HDAC9: variants seen among roughly 807,000 people sequenced by gnomAD.
HDAC9 encodes the protein MEF-2 interacting transcription repressor (MITR) protein.
HDAC9 carries 41 observed loss-of-function variants against 139.4 expected under a neutral mutation model. That is an observed-to-expected ratio of 0.29 (90% CI 0.23 to 0.38). HDAC9 has a LOEUF of 0.38. Among genes scored for constraint, HDAC9 ranks in the 10% least tolerant of loss-of-function variants. The probability of loss-of-function intolerance (pLI) is 1.00; values close to 1 mark genes in which losing one functional copy is unlikely to be tolerated. For missense variants in HDAC9, 1,147 were observed against 1,297.0 expected, an observed-to-expected ratio of 0.88 and a Z score of 1.78; for synonymous variants, 517 against 476.2, an observed-to-expected ratio of 1.09 and a Z score of -1.12.
chr7:18,834,474 C>A (rs994950304), intron 19 of HDAC9, among the ~76,000 whole-genome samples: 2 of 148,250 alleles, frequency 1.3e-5, no homozygotes, highest in Non-Finnish European at 3.0e-5. Context: ...AATTCTGGCA[C>A]GTATCTGTAT....
intron 22 of HDAC9, among the ~76,000 whole-genome samples, chr7:18,915,688 A>G (rs749249320): frequency 6.6e-6 from 1 of 151,206 alleles, no homozygotes; most frequent in African/African-American, 2.4e-5. Flanking sequence ...GCGACCCCGC[A>G]TGTGTTCTGA....
intron 1 of HDAC9, among the ~76,000 whole-genome samples, chr7:18,427,656 C>T (rs1562975707): frequency 6.6e-6 from 1 of 151,642 alleles, no homozygotes; most frequent in African/African-American, 2.4e-5. Context: ...TCCCCTTCCC[C>T]TCCACCTCTC....
intron 2 of HDAC9, among the ~76,000 whole-genome samples, chr7:18,269,180 T>A (rs929612717): frequency 6.6e-6 from 1 of 152,136 alleles, no homozygotes; most frequent in Non-Finnish European, 1.5e-5. Context: ...TTTGCAGATA[T>A]ACACACATAT....
intron 13 of HDAC9, among the ~76,000 whole-genome samples, chr7:18,733,512 T>C (rs1483735197): frequency 2.0e-5 from 3 of 151,578 alleles, no homozygotes; most frequent in Non-Finnish European, 4.4e-5. Context: ...AATTTACTCA[T>C]CTAATAATCA....
At chr7:18,711,583 G>A (rs1784348028) in intron 12 of HDAC9, among the ~76,000 whole-genome samples, 1 of 152,182 alleles carries the variant, frequency 6.6e-6, no homozygotes. Context: ...AATACCAGCT[G>A]TGGTCTGCCA....
intron 1 of HDAC9, among the ~76,000 whole-genome samples, chr7:18,464,450 A>G (rs1345551189): frequency 6.6e-6 from 1 of 151,950 alleles, no homozygotes; most frequent in African/African-American, 2.4e-5. Flanking sequence ...TCTGCATTGG[A>G]TAGCACATTA....
At chr7:18,624,054 C>A (rs555565993) in intron 6 of HDAC9, among the ~76,000 whole-genome samples, 13 of 152,262 alleles carry the variant, frequency 8.5e-5, no homozygotes, top group Admixed American at 7.8e-4. Context: ...ATACAAAAAT[C>A]ACGCCCCGCA....
At chr7:18,922,083 T>TGGGGG (rs527469781) in intron 22 of HDAC9, among the ~76,000 whole-genome samples, 1 of 76,284 alleles carries the variant, frequency 1.3e-5, no homozygotes, top group Non-Finnish European at 2.4e-5. Flanking sequence ...TGTTGTGGGG[T>TGGGGG]GGGGGGAGGG....
intron 1 of HDAC9, among the ~76,000 whole-genome samples, chr7:18,115,248 G>T (rs1344527214): frequency 4.0e-5 from 6 of 150,486 alleles, no homozygotes; most frequent in Non-Finnish European, 7.4e-5. Context: ...AGCAGAGATT[G>T]TGCCACTGCA....
At chr7:18,379,042 G>T (rs1324330614) in intron 1 of HDAC9, among the ~76,000 whole-genome samples, 1 of 152,046 alleles carries the variant, frequency 6.6e-6, no homozygotes, top group Non-Finnish European at 1.5e-5. Flanking sequence ...TACACATGAG[G>T]CTCTATGTTT....
intron 12 of HDAC9, chr7:18,667,183 T>C (rs1448940025): frequency 5.1e-6 from 5 of 985,364 alleles, no homozygotes; most frequent in Non-Finnish European, 6.0e-6. Context: ...CATTTTACTT[T>C]TATTTTGTGT....
chr7:18,662,872 T>C (rs925545428), intron 11 of HDAC9, among the ~76,000 whole-genome samples: 1 of 152,002 alleles, frequency 6.6e-6, no homozygotes, highest in African/African-American at 2.4e-5. Flanking sequence ...CTCAGCATGA[T>C]CGTAATTTGT....
At chr7:18,293,384 C>G (rs1360655993) in intron 1 of HDAC9, among the ~76,000 whole-genome samples, 1 of 151,814 alleles carries the variant, frequency 6.6e-6, no homozygotes, top group Non-Finnish European at 1.5e-5. Flanking sequence ...TGGAACCCAT[C>G]ATTCTCAGCA....
At chr7:18,786,962 A>G (rs558349198) in intron 16 of HDAC9, among the ~76,000 whole-genome samples, 73 of 151,912 alleles carry the variant, frequency 4.8e-4, no homozygotes, top group Non-Finnish European at 7.7e-4. Flanking sequence ...TATGAGGTTT[A>G]TAGAGAAACA....
chr7:18,555,310 C>G (rs947511599), intron 2 of HDAC9, among the ~76,000 whole-genome samples: 5 of 152,138 alleles, frequency 3.3e-5, no homozygotes, highest in Non-Finnish European at 1.5e-5. Context: ...AAGCCTGATA[C>G]TCAAAAGTCT....
At chr7:18,783,301 G>T (rs1368554574) in intron 16 of HDAC9, among the ~76,000 whole-genome samples, 1 of 152,018 alleles carries the variant, frequency 6.6e-6, no homozygotes, top group Non-Finnish European at 1.5e-5. Context: ...GCAAAGAAAA[G>T]CATTTCTCTA....
chr7:18,988,173 C>A (rs1214880491), intron 25 of HDAC9, among the ~76,000 whole-genome samples: 3 of 152,106 alleles, frequency 2.0e-5, no homozygotes, highest in Non-Finnish European at 4.4e-5. Flanking sequence ...AATTTTGGAT[C>A]TTTCCTGCTT....
intron 22 of HDAC9, among the ~76,000 whole-genome samples, chr7:18,901,431 A>T (rs1225181248): frequency 6.6e-6 from 1 of 152,068 alleles, no homozygotes; most frequent in Non-Finnish European, 1.5e-5. Context: ...GCTAGGTTTG[A>T]TATTTCAACT....
At chr7:18,498,536 T>C (rs571566692) in intron 2 of HDAC9, among the ~76,000 whole-genome samples, 2 of 152,258 alleles carry the variant, frequency 1.3e-5, no homozygotes, top group African/African-American at 4.8e-5. Flanking sequence ...TGTCTTAATT[T>C]AGCTACAAAT....
Sources: gnomAD v4.1 joint callset for allele counts (sites outside exome capture counted in the v4.1 genomes callset) on GRCh38, gnomAD v4.1.1 for gene constraint, MANE v1.5 for transcripts, NCBI Gene and HGNC (gene_info 2026-07-23, HGNC 2026-07-21) for gene names.